The following CREB3L2 variants were observed in gnomAD, a reference collection of about 807,000 sequenced individuals.
CREB3L2 encodes cyclic AMP-responsive element-binding protein 3-like protein 2.
Under a neutral mutation model 57.2 loss-of-function variants are expected in CREB3L2, and 23 were observed. That is an observed-to-expected ratio of 0.40 (90% CI 0.29 to 0.57). The LOEUF (loss-of-function observed/expected upper bound fraction) is 0.57, where lower values mean the gene tolerates loss of function less well. Among genes scored for constraint, CREB3L2 ranks in the 20% least tolerant of loss-of-function variants. CREB3L2 has a pLI of 0.42. For synonymous variants in CREB3L2, 268 were observed against 265.1 expected (o/e 1.01, Z -0.11); for missense variants, 628 against 634.7 (o/e 0.99, Z 0.11).
chr7:137,879,168 T>TAAA lies in CREB3L2; in HGVS notation c.*1305_*1307dup. 2.5e-5 allele frequency: 11 copies of TAAA among 445,834 alleles called. No homozygotes were observed. The highest frequency in any genetic ancestry group is 6.1e-5 in the African/African-American group (3 of 48,840). 27.6% of individuals were successfully genotyped at this position (445,834 alleles called of 1,614,324 possible). On this transcript the variant is annotated 3_prime_UTR_variant, in exon 12 of 12. Transcript: ENST00000330387. Reference sequence around the variant, plus strand: ...AAACTACAAAAGTTACTTTTAACCATAAAAAAAAAACAAAAAAACTAAAAG... The same window carrying TAAA: ...AAACTACAAAAGTTACTTTTAACCATAAAAAAAAAAAAACAAAAAAACTAAAAG...
chr7:137,989,454 T>TG (rs1801849851), intron 1 of CREB3L2, among the ~76,000 whole-genome samples: 1 of 113,306 alleles, frequency 8.8e-6, no homozygotes, highest in Admixed American at 9.5e-5. Context: ...TTTTTTTTGA[T>TG]GATTCTTTCT....
At position 137,945,552 on chromosome 7, in the gene CREB3L2, G is replaced by A. The variant is rs537390815; in HGVS notation, c.103-17186C>T. Among the ~76,000 whole-genome samples the A allele has an allele frequency of 1.2e-4, 18 of 152,294 alleles. No homozygotes were observed. The East Asian group carries it at 3.5e-3, about 29-fold the overall frequency. On this transcript the variant is annotated intron_variant, in intron 1 of 11. Transcript: ENST00000330387. ...AATAAACAAACTAACCCATTGGTAG[G>A]CACAGGCCTAAAAGACAGACTTTTC...
In CREB3L2 at chr7:137,913,079, C is replaced by A; in HGVS notation, c.496-1G>T. The A allele has an allele frequency of 6.2e-7, 1 of 1,611,378 alleles. No homozygotes were observed. The highest frequency in any genetic ancestry group is 1.1e-5 in the South Asian group (1 of 90,694). On this transcript the variant is annotated splice_acceptor_variant, in intron 3 of 11. Transcript: ENST00000330387. LOFTEE classifies it high-confidence loss of function. ...TAATGGTCTGGCACGAGGAATCAACCTGGAGGAAGAATTTCAAACACAATT... is the reference window on the plus strand; with the variant it reads ...TAATGGTCTGGCACGAGGAATCAACATGGAGGAAGAATTTCAAACACAATT...
intron 1 of CREB3L2, among the ~76,000 whole-genome samples, chr7:137,944,628 A>G (rs1800937044): frequency 6.6e-6 from 1 of 152,220 alleles, no homozygotes; most frequent in Non-Finnish European, 1.5e-5. Context: ...TAGCCCACAT[A>G]TGAGTATTTA....
chr7:137,968,214 T>C (rs2117295570), intron 1 of CREB3L2, among the ~76,000 whole-genome samples: 1 of 152,286 alleles, frequency 6.6e-6, no homozygotes, highest in African/African-American at 2.4e-5. Context: ...TACTCTTTTT[T>C]TTTTTTTTAA....
chr7:137,964,033 G>A (rs1456207457), intron 1 of CREB3L2, among the ~76,000 whole-genome samples: 3 of 152,200 alleles, frequency 2.0e-5, no homozygotes, highest in South Asian at 2.1e-4. Context: ...AAACACTTGC[G>A]GCCAGGCGCG....
chr7:137,939,926 C>A (rs1421426787), intron 1 of CREB3L2, among the ~76,000 whole-genome samples: 1 of 152,214 alleles, frequency 6.6e-6, no homozygotes, highest in Non-Finnish European at 1.5e-5. Context: ...GAGCCTCCTA[C>A]ATAACTCAGC....
chr7:137,955,699 G>A (rs1172683415), intron 1 of CREB3L2, among the ~76,000 whole-genome samples: 1 of 152,154 alleles, frequency 6.6e-6, no homozygotes, highest in African/African-American at 2.4e-5. Context: ...CAAAGAGGCA[G>A]ATCTGAGCAC....
At chr7:137,974,967 G>A (rs1229887150) in intron 1 of CREB3L2, among the ~76,000 whole-genome samples, 2 of 152,148 alleles carry the variant, frequency 1.3e-5, no homozygotes, top group Admixed American at 1.3e-4. Flanking sequence ...TCATGATAGA[G>A]ATGCCAACTG....
At chr7:137,984,808 C>A (rs1267364971) in intron 1 of CREB3L2, among the ~76,000 whole-genome samples, 1 of 152,192 alleles carries the variant, frequency 6.6e-6, no homozygotes, top group Non-Finnish European at 1.5e-5. Context: ...AAAGAACAAA[C>A]TTCTCCATGA....
At position 137,915,998 on chromosome 7, in the gene CREB3L2, C is replaced by T; in HGVS notation, c.334G>A (p.Glu112Lys). Residue 112 changes from glutamate to lysine, a missense_variant, in exon 3 of 12, where the codon GAG (glutamate) becomes AAG (lysine). By Grantham distance (56) the Glu-to-Lys change is moderately conservative. Coordinates refer to ENST00000330387, the MANE Select transcript of CREB3L2 (RefSeq NM_194071.4). ...AAGTCTGTAGACAGGTACCATTTCT[C>T]ACTTTCCACCTCATCTGCAGGAAAA... ...DSFNDDEVES[E>K]KWYLSTDFPS... 6.2e-7 allele frequency: 1 copy of T among 1,612,386 alleles called. No individual in the cohort carries two copies. The highest frequency in any genetic ancestry group is 8.5e-7 in the Non-Finnish European group (1 of 1,179,324).
At chr7:137,982,422 T>C (rs555769909) in intron 1 of CREB3L2, among the ~76,000 whole-genome samples, 4 of 140,480 alleles carry the variant, frequency 2.8e-5, no homozygotes, top group Admixed American at 2.1e-4. Flanking sequence ...TTTGGCTGTG[T>C]CCCCACCCAA....
At chr7:137,912,744 G>T (rs1199118728) in intron 4 of CREB3L2, 2 of 1,115,006 alleles carry the variant, frequency 1.8e-6, no homozygotes, top group Non-Finnish European at 2.5e-6. Flanking sequence ...TATCACCCTG[G>T]TTAGAAGTAA....
In CREB3L2 at chr7:137,918,537, TC is replaced by T. The variant is rs1271872341; in HGVS notation, c.320-2526del. ...GCCTGCCCACACTGAGTAATATTTA[TC>T]CCTGGCAAAGGCTGGAAGAAAGACG... On this transcript the variant is annotated intron_variant, in intron 2 of 11. Coordinates refer to ENST00000330387, the MANE Select transcript of CREB3L2 (RefSeq NM_194071.4). Among the ~76,000 whole-genome samples the T allele has an allele frequency of 2.0e-5, 3 of 151,990 alleles. No homozygotes were observed. In the East Asian group the frequency reaches 5.8e-4, roughly 29 times the overall value.
At chr7:137,909,348 C>T (rs1350877629) in intron 4 of CREB3L2, among the ~76,000 whole-genome samples, 5 of 152,316 alleles carry the variant, frequency 3.3e-5, no homozygotes, top group African/African-American at 1.2e-4. Flanking sequence ...CCTTGGTCAG[C>T]GTCCATCAGG....
At chr7:137,906,679 G>A (rs535527855) in intron 5 of CREB3L2, among the ~76,000 whole-genome samples, 5 of 152,286 alleles carry the variant, frequency 3.3e-5, no homozygotes, top group South Asian at 4.1e-4. Flanking sequence ...TAATTCCCAC[G>A]TGTTGTGGGA....
chr7:137,929,638 G>A (rs559234226), intron 1 of CREB3L2, among the ~76,000 whole-genome samples: 41 of 151,456 alleles, frequency 2.7e-4, no homozygotes, highest in Non-Finnish European at 4.3e-4. Flanking sequence ...CAAGGTGGGC[G>A]GATCACAAGG....
chr7:137,970,404 G>A lies in CREB3L2; in HGVS notation c.102+31200C>T, dbSNP rs141928820. 3.3e-4 allele frequency among the ~76,000 whole-genome samples: 51 copies of A among 152,312 alleles called. 1 individual carries two copies. The East Asian group carries it at 9.1e-3, about 27-fold the overall frequency. On this transcript the variant is annotated intron_variant, in intron 1 of 11. Coordinates refer to ENST00000330387, the MANE Select transcript of CREB3L2 (RefSeq NM_194071.4). The stretch of plus-strand genomic sequence containing the variant: ...AAGATGGCATGTGCCAAAAACCACA[G>A]ATATTGGAATCAATCCAGACATCGT...
chr7:137,972,278 A>C (rs1801520314), intron 1 of CREB3L2, among the ~76,000 whole-genome samples: 1 of 152,012 alleles, frequency 6.6e-6, no homozygotes, highest in South Asian at 2.1e-4. Context: ...GTCTCTACTA[A>C]AAATACAAAA....
Sources: allele counts gnomAD v4.1 joint callset (sites outside exome capture counted in the v4.1 genomes callset), GRCh38; gene constraint gnomAD v4.1.1; transcripts MANE v1.5; gene names NCBI Gene and HGNC (gene_info 2026-07-23, HGNC 2026-07-21).